Variants in KLHDC4 observed in about 807,000 individuals in gnomAD.
KLHDC4 encodes the protein kelch domain-containing protein 4.
KLHDC4 carries 90 observed loss-of-function variants against 62.4 expected under a neutral mutation model. That is an observed-to-expected ratio of 1.44 (90% CI 1.22 to 1.72). The LOEUF (loss-of-function observed/expected upper bound fraction) is 1.72, where lower values mean the gene tolerates loss of function less well. KLHDC4 is among the 40% of genes most tolerant of loss of function. KLHDC4 has a pLI of 0.00. For missense variants in KLHDC4, 1,025 were observed against 699.7 expected (o/e 1.47, Z -5.25); for synonymous variants, 386 against 284.4 (o/e 1.36, Z -3.59).
At chr16:87,748,139 C>T (rs575797884) in intron 5 of KLHDC4, among the ~76,000 whole-genome samples, 3 of 152,300 alleles carry the variant, frequency 2.0e-5, no homozygotes, top group South Asian at 2.1e-4. Context: ...GGGAGACACC[C>T]GTGCGTGGTA....
chr16:87,730,821 G>A (rs1426342669), intron 5 of KLHDC4, 177 bp from the exon 6 acceptor site: 2 of 553,304 alleles, frequency 3.6e-6, no homozygotes, highest in Non-Finnish European at 6.3e-6. Flanking sequence ...ATCCTGCTAA[G>A]AGCCCAGCTA....
At chr16:87,701,367 G>A (rs937193787) in exon 1 of KLHDC4, 5 of 318,364 alleles carry the variant, frequency 1.6e-5, no homozygotes, top group African/African-American at 8.6e-5. Flanking sequence ...GAAGCTGAAT[G>A]CTCCTCCCAA....
Position 87,707,905 on chromosome 16 carries a change from C to T in KLHDC4, c.*172G>A, listed in dbSNP as rs762643853. ...CAGTTGAACTTCCGGCCCAGTGCCG[C>T]GTCAGAGACTAAACCATGGGAGAAA... is the stretch of plus-strand genomic sequence containing the variant. On this transcript the variant is annotated 3_prime_UTR_variant, in exon 12 of 12. Transcript: ENST00000270583. 2.4e-5 allele frequency: 11 copies of T among 457,654 alleles called. No homozygotes were observed. Among genetic ancestry groups the T allele is most frequent in the Non-Finnish European group, 4.0e-5 (9 of 227,742 alleles). The allele number at this position is 457,654 out of a possible 1,614,324, so 28.3% of individuals were successfully genotyped here. A position where few individuals can be genotyped will look rare whatever the true frequency, so the allele number is the denominator to read the frequency against.
chr16:87,748,529 A>C (rs1332173768), intron 5 of KLHDC4, 144 bp downstream of exon 5: 1 of 1,045,680 alleles, frequency 9.6e-7, no homozygotes, highest in Non-Finnish European at 1.4e-6. Flanking sequence ...GTGGTCTCCC[A>C]GGACCCAGCG....
chr16:87,748,837 G>A (rs769461005), intron 4 of KLHDC4, 28 bp from the exon 5 acceptor site: 14 of 1,610,142 alleles, frequency 8.7e-6, no homozygotes. Context: ...ACAGGTCAGG[G>A]CACAGCCACA....
chr16:87,733,926 G>T (rs908521964), intron 5 of KLHDC4, among the ~76,000 whole-genome samples: 1 of 152,212 alleles, frequency 6.6e-6, no homozygotes, highest in East Asian at 1.9e-4. Flanking sequence ...CTTCAATCAC[G>T]CAAGTCAGTG....
At chr16:87,755,498 T>C in intron 3 of KLHDC4, 1 of 450,848 alleles carries the variant, frequency 2.2e-6, no homozygotes, top group Non-Finnish European at 4.1e-6. Flanking sequence ...ACCAGGCCCA[T>C]CAATCTGGAA....
Position 87,726,882 on chromosome 16 carries a change from G to A in KLHDC4, c.642C>T (p.Asp214=), listed in dbSNP as rs2039458920. 30 of 1,613,852 alleles carry A rather than the reference G, an allele frequency of 1.9e-5. 1 individual carries two copies. Among genetic ancestry groups the A allele is most frequent in the Non-Finnish European group, 2.5e-5 (30 of 1,179,942 alleles). The part of the protein sequence containing the change: ...YYNDVYAFNL[D]TFTWSKLSPS... The stretch of plus-strand genomic sequence containing the variant: ...GGGACAGCTTGCTCCATGTGAAGGT[G>A]TCCAGATTAAAGGCATACACGTCGT... Residue 214 remains aspartate, a synonymous_variant, in exon 7 of 12, where the codon GAC becomes GAT. Transcript: ENST00000270583.
At chr16:87,760,317 T>C (rs1199981978) in intron 2 of KLHDC4, among the ~76,000 whole-genome samples, 1 of 148,384 alleles carries the variant, frequency 6.7e-6, no homozygotes, top group South Asian at 2.1e-4. Context: ...TAAAAAAAAG[T>C]CTCTACAGGG....
chr16:87,735,483 C>T (rs887368959), intron 5 of KLHDC4, among the ~76,000 whole-genome samples: 1 of 152,154 alleles, frequency 6.6e-6, no homozygotes, highest in African/African-American at 2.4e-5. Context: ...TGCGCTGGGG[C>T]GGGGCCTCCT....
chr16:87,727,830 G>A lies in KLHDC4; in HGVS notation c.600-906C>T, dbSNP rs183124274. 5.9e-5 allele frequency among the ~76,000 whole-genome samples: 9 copies of A among 152,316 alleles called. No individual in the cohort carries two copies. The East Asian group carries it at 1.7e-3, about 29-fold the overall frequency. On this transcript the variant is annotated intron_variant, in intron 6 of 11. Transcript: ENST00000270583. Reference sequence around the variant, plus strand: ...GCCCGGTTTTCTCCTGTTTGTTCCTGTTTTGTGTGAAGCAGGAAAAGTCAC... The same window carrying A: ...GCCCGGTTTTCTCCTGTTTGTTCCTATTTTGTGTGAAGCAGGAAAAGTCAC...
exon 1 of KLHDC4, chr16:87,700,892 A>T (rs1270141506): frequency 4.2e-6 from 1 of 237,358 alleles, no homozygotes; most frequent in African/African-American, 2.5e-5. Context: ...GGAGGGAGGA[A>T]GCTGGAGGGC....
downstream of KLHDC4, among the ~76,000 whole-genome samples, chr16:87,704,458 G>GGGGAGGGTCTCTCTC: frequency 9.5e-6 from 1 of 104,780 alleles, no homozygotes; most frequent in South Asian, 4.5e-4. Context: ...GGAGGGTCCT[G>GGGGAGGGTCTCTCTC]AACATGACAG....
intron 6 of KLHDC4, among the ~76,000 whole-genome samples, chr16:87,727,524 G>A (rs1000685211): frequency 2.0e-5 from 3 of 152,142 alleles, no homozygotes; most frequent in African/African-American, 7.2e-5. Context: ...CCGACCCTCT[G>A]TGCCCGAAAT....
intron 7 of KLHDC4, among the ~76,000 whole-genome samples, chr16:87,718,993 C>T (rs2037681980): frequency 1.3e-5 from 2 of 151,734 alleles, no homozygotes; most frequent in Admixed American, 6.6e-5. Flanking sequence ...GCCCGGCAGC[C>T]GCCCCCTCCG....
chr16:87,709,388 C>T lies in KLHDC4; in HGVS notation c.1324G>A (p.Gly442Arg), dbSNP rs984831599. The T allele has an allele frequency of 1.2e-6, 2 of 1,613,438 alleles. No individual in the cohort carries two copies. The highest frequency in any genetic ancestry group is 1.6e-4 in the Middle Eastern group (1 of 6,062). The change falls in exon 10 of 12, where the codon GGG becomes AGG. Residue 442 changes from glycine (G) to arginine (R), a missense_variant. Gly to Arg is a moderately radical substitution (Grantham distance 125). Transcript: ENST00000270583. ...ATGCCCCCATAGACGTAGAGCACCC[C>T]ATGCTTCACAGCCAGCATGGCGTTG... ...RSNAMLAVKH[G>R]VLYVYGGMFE... is the part of the protein sequence containing the mutation.
intron 9 of KLHDC4, 175 bp downstream of exon 9, chr16:87,711,060 G>A (rs1168314024): frequency 1.6e-6 from 1 of 624,392 alleles, no homozygotes; most frequent in East Asian, 2.8e-5. Flanking sequence ...CCGTGACCAA[G>A]GGCTCTCCAA....
At chr16:87,753,712 A>G (rs1207379307) in intron 4 of KLHDC4, among the ~76,000 whole-genome samples, 1 of 152,016 alleles carries the variant, frequency 6.6e-6, no homozygotes, top group East Asian at 1.9e-4. Flanking sequence ...AAGGCAGGAG[A>G]ATCTCTTGAA....
At chr16:87,735,349 A>T (rs1177804138) in intron 5 of KLHDC4, among the ~76,000 whole-genome samples, 1 of 151,418 alleles carries the variant, frequency 6.6e-6, no homozygotes, top group Non-Finnish European at 1.5e-5. Flanking sequence ...GTCTGCATCC[A>T]AGTCCGCTTC....
Sources: gnomAD v4.1 joint callset for allele counts (sites outside exome capture counted in the v4.1 genomes callset) on GRCh38, gnomAD v4.1.1 for gene constraint, MANE v1.5 for transcripts, NCBI Gene and HGNC (gene_info 2026-07-23, HGNC 2026-07-21) for gene names.